Variants in MAST4 observed in about 807,000 individuals in gnomAD.
MAST4 encodes microtubule-associated serine/threonine-protein kinase 4.
In MAST4, 89 loss-of-function variants were observed where a neutral mutation model predicts 162.7. The observed-to-expected ratio is 0.55, with a 90% CI of 0.46 to 0.65. MAST4 has a LOEUF of 0.65. MAST4 is among the 30% of genes least tolerant of loss of function. The pLI is 0.00. For synonymous variants in MAST4, 1,479 were observed against 1,361.1 expected (o/e 1.09, Z -1.91); for missense variants, 3,153 against 3,374.0 (o/e 0.93, Z 1.62).
Position 67,166,499 on chromosome 5 carries a change from C to T in MAST4, c.7320C>T (p.Ser2440=), listed in dbSNP as rs930642471. Residue 2440 remains serine (S), a synonymous_variant, in exon 29 of 29, where the codon TCC becomes TCT. Transcript: ENST00000403625. The part of the protein sequence containing the change: ...EADKPNGMKR[S]PSATGQSSFR... ...ACAAGCCCAATGGCATGAAACGGTC[C>T]CCCTCAGCCACTGGGCAGAGTTCTT... 6.2e-7 allele frequency: 1 copy of T among 1,605,696 alleles called. No homozygotes were observed. Among genetic ancestry groups the T allele is most frequent in the African/African-American group, 1.3e-5 (1 of 74,856 alleles).
At chr5:67,004,705 A>G (rs1751756134) in intron 4 of MAST4, 1 of 358,286 alleles carries the variant, frequency 2.8e-6, no homozygotes, top group South Asian at 3.1e-5. Context: ...ATTACTGTTT[A>G]TAGCTGGCCG....
chr5:66,821,452 T>C (rs1756991971), intron 3 of MAST4, among the ~76,000 whole-genome samples: 1 of 152,242 alleles, frequency 6.6e-6, no homozygotes. Flanking sequence ...TTAAATATTG[T>C]GGAACCTGTT....
At chr5:66,839,209 A>G (rs946085525) in intron 3 of MAST4, among the ~76,000 whole-genome samples, 2 of 152,128 alleles carry the variant, frequency 1.3e-5, no homozygotes, top group African/African-American at 4.8e-5. Context: ...CAAGAGATAA[A>G]TGTGACTTGG....
intron 1 of MAST4, among the ~76,000 whole-genome samples, chr5:66,693,898 T>A (rs1041364711): frequency 2.6e-5 from 4 of 152,132 alleles, no homozygotes; most frequent in African/African-American, 9.7e-5. Context: ...CAAAAAAAGC[T>A]TTATACAAGG....
intron 14 of MAST4, among the ~76,000 whole-genome samples, chr5:67,128,304 A>G (rs753642961): frequency 1.8e-4 from 27 of 152,202 alleles, no homozygotes; most frequent in Non-Finnish European, 3.1e-4. Context: ...GTCATCCTGA[A>G]GAGTACCACC....
chr5:66,714,771 C>A (rs1443525429), intron 1 of MAST4, among the ~76,000 whole-genome samples: 3 of 152,062 alleles, frequency 2.0e-5, no homozygotes, highest in Non-Finnish European at 2.9e-5. Context: ...TGAGTGGGAG[C>A]CCCTGCTCAC....
chr5:66,732,740 A>T (rs1354524007), intron 1 of MAST4, among the ~76,000 whole-genome samples: 1 of 152,130 alleles, frequency 6.6e-6, no homozygotes, highest in Non-Finnish European at 1.5e-5. Flanking sequence ...CCCTTTTTCC[A>T]CTTGAGCCTT....
chr5:67,017,535 G>GT (rs941328125), intron 4 of MAST4, among the ~76,000 whole-genome samples: 18 of 151,570 alleles, frequency 1.2e-4, no homozygotes, highest in Admixed American at 2.6e-4. Context: ...AGTTCAATAA[G>GT]TTTTAACAAA....
At chr5:66,906,536 A>T (rs1763366598) in intron 4 of MAST4, among the ~76,000 whole-genome samples, 1 of 152,180 alleles carries the variant, frequency 6.6e-6, no homozygotes, top group South Asian at 2.1e-4. Flanking sequence ...GGGGATTTCC[A>T]TCTTAAACAC....
chr5:67,134,421 G>C, intron 17 of MAST4, 102 bp from the exon 18 acceptor site: 1 of 960,910 alleles, frequency 1.0e-6, no homozygotes, highest in Non-Finnish European at 1.5e-6. Flanking sequence ...CCATGTGGTT[G>C]AGCAGGTGCA....
intron 4 of MAST4, among the ~76,000 whole-genome samples, chr5:67,048,098 T>A (rs1252785622): frequency 6.6e-6 from 1 of 152,226 alleles, no homozygotes; most frequent in African/African-American, 2.4e-5. Flanking sequence ...ATTTGCTTTA[T>A]GTTGCATGAT....
chr5:67,040,649 A>G (rs1056927960), intron 4 of MAST4, among the ~76,000 whole-genome samples: 4 of 152,168 alleles, frequency 2.6e-5, no homozygotes, highest in African/African-American at 9.7e-5. Flanking sequence ...CCCTCATGCT[A>G]CAGACTCAAA....
intron 12 of MAST4, among the ~76,000 whole-genome samples, chr5:67,118,476 T>A (rs896762368): frequency 3.9e-5 from 6 of 152,278 alleles, no homozygotes; most frequent in African/African-American, 1.2e-4. Flanking sequence ...TTGCAAGAAA[T>A]GGAGTTCTGG....
chr5:66,797,435 T>G (rs1052942720), intron 3 of MAST4, among the ~76,000 whole-genome samples: 1 of 152,210 alleles, frequency 6.6e-6, no homozygotes, highest in African/African-American at 2.4e-5. Flanking sequence ...TTATACTTAT[T>G]CCGGGTTCAT....
At chr5:66,900,108 T>G in intron 4 of MAST4, 126 bp downstream of exon 4, 1 of 656,904 alleles carries the variant, frequency 1.5e-6, no homozygotes, top group Non-Finnish European at 2.3e-6. Flanking sequence ...AACAAAAAAC[T>G]GAATTTATTT....
At position 67,166,544 on chromosome 5, in the gene MAST4, G is replaced by T. The variant is rs771945058; in HGVS notation, c.7365G>T (p.Pro2455=). ...GTTCTTTCCGATCCACGGCCCTCCC[G>T]GAAAAGTCTCTGAGCTGCTCCTCCA... The part of the protein sequence containing the change: ...GQSSFRSTAL[P]EKSLSCSSSF... The change falls in exon 29 of 29, where the codon CCG becomes CCT. Residue 2455 remains proline, a synonymous_variant. Transcript: ENST00000403625. The T allele has an allele frequency of 5.0e-6, 8 of 1,607,268 alleles. No individual in the cohort carries two copies. Among genetic ancestry groups the T allele is most frequent in the Admixed American group, 3.4e-5 (2 of 59,220 alleles).
In MAST4 at chr5:66,963,671, T is replaced by G. The variant is rs534175687; in HGVS notation, c.674+63689T>G. 5.6e-5 allele frequency: 44 copies of G among 779,402 alleles called. 2 individuals carry two copies. The highest frequency in any genetic ancestry group is 5.6e-4 in the South Asian group (42 of 74,576). 48.3% of individuals were successfully genotyped at this position (779,402 alleles called of 1,614,324 possible). ...GCTATGCTATTTTTACTGCAATCAA[T>G]TCTCCCACTTGGAATGACGTTATTT... On this transcript the variant is annotated intron_variant, in intron 4 of 28. Coordinates refer to ENST00000403625, the MANE Select transcript of MAST4 (RefSeq NM_001164664.2).
chr5:67,057,183 C>A (rs1011745488), intron 5 of MAST4, among the ~76,000 whole-genome samples: 1 of 152,122 alleles, frequency 6.6e-6, no homozygotes, highest in Non-Finnish European at 1.5e-5. Flanking sequence ...ATCCTGATAA[C>A]ATGCAGTGCC....
intron 11 of MAST4, among the ~76,000 whole-genome samples, chr5:67,113,082 G>A (rs1203741247): frequency 6.6e-6 from 1 of 152,182 alleles, no homozygotes; most frequent in African/African-American, 2.4e-5. Flanking sequence ...GGGAGGCCAA[G>A]GTGGGTGGAT....
Sources: gnomAD v4.1 joint callset for allele counts (sites outside exome capture counted in the v4.1 genomes callset) on GRCh38, gnomAD v4.1.1 for gene constraint, MANE v1.5 for transcripts, NCBI Gene and HGNC (gene_info 2026-07-23, HGNC 2026-07-21) for gene names.